Variants in GDNF observed in about 807,000 individuals in gnomAD.
GDNF encodes glial cell line-derived neurotrophic factor.
In GDNF, 5 loss-of-function variants were observed where a neutral mutation model predicts 13.7. That is an observed-to-expected ratio of 0.36 (90% CI 0.19 to 0.77). The LOEUF (loss-of-function observed/expected upper bound fraction) is 0.77. Ranked by LOEUF, GDNF falls within the 30% of genes least tolerant of loss-of-function variation. The probability of loss-of-function intolerance (pLI) is 0.51; values close to 1 mark genes in which losing one functional copy is unlikely to be tolerated. For synonymous variants in GDNF, 122 were observed against 112.5 expected (o/e 1.08, Z -0.53); for missense variants, 246 against 274.3 (o/e 0.90, Z 0.73).
chr5:37,825,137 A>G (rs929805118), intron 2 of GDNF, among the ~76,000 whole-genome samples: 6 of 152,220 alleles, frequency 3.9e-5, no homozygotes, highest in African/African-American at 1.4e-4. Flanking sequence ...TGCACATACT[A>G]GTTGTACTAT....
chr5:37,819,785 C>A (rs965144870), intron 2 of GDNF, among the ~76,000 whole-genome samples: 1 of 152,120 alleles, frequency 6.6e-6, no homozygotes, highest in African/African-American at 2.4e-5. Context: ...TTCCTTTGTA[C>A]TGCTTTCTCA....
At chr5:37,835,222 C>A (rs1246404032) in intron 1 of GDNF, among the ~76,000 whole-genome samples, 3 of 152,152 alleles carry the variant, frequency 2.0e-5, no homozygotes, top group East Asian at 1.9e-4. Context: ...GTCCTCCACC[C>A]CAACCAGAGA....
Position 37,815,280 on chromosome 5 carries a change from C to T in GDNF, c.*371G>A, listed in dbSNP as rs1268723805. The T allele has an allele frequency of 3.0e-6, 1 of 334,416 alleles. No homozygotes were observed. The highest frequency in any genetic ancestry group is 4.5e-5 in the Admixed American group (1 of 22,200). The allele number at this position is 334,416 out of a possible 1,614,324, so 20.7% of individuals were successfully genotyped here. ...TCACAGGAGATACACTGGTTTGGTT[C>T]AAGTGCATCCACCGCAACCGCGCCG... On this transcript the variant is annotated 3_prime_UTR_variant, in exon 3 of 3. Transcript: ENST00000326524. The surrounding 1 kb of genome is among the most constrained non-coding windows in gnomAD (Gnocchi z 5.0).
Position 37,814,432 on chromosome 5 carries a change from A to C in GDNF, c.*1219T>G, listed in dbSNP as rs1375874540. 6.6e-6 allele frequency: 1 copy of C among 152,226 alleles called. No homozygotes were observed. Among genetic ancestry groups the C allele is most frequent in the African/African-American group, 2.4e-5 (1 of 41,438 alleles). The allele number at this position is 152,226 out of a possible 1,614,324, so 9.4% of individuals were successfully genotyped here. A position where few individuals can be genotyped will look rare whatever the true frequency, so the allele number is the denominator to read the frequency against. On this transcript the variant is annotated 3_prime_UTR_variant, in exon 3 of 3. Coordinates refer to ENST00000326524, the MANE Select transcript of GDNF (RefSeq NM_000514.4). ...TTGCCTGAGATGCTCCACAAATAAA[A>C]ATTGGGAAAAATGCTGAAATCTGGG...
At chr5:37,818,548 T>C (rs1750011717) in intron 2 of GDNF, among the ~76,000 whole-genome samples, 1 of 152,164 alleles carries the variant, frequency 6.6e-6, no homozygotes, top group South Asian at 2.1e-4. Flanking sequence ...TATTTCTTCA[T>C]AGCAGTAAGA....
rs182549492 is a variant in GDNF at position 37,826,504 on chromosome 5, C to G, written c.151+8142G>C. ...TGGCATGGTGGGTTGTGGGCAGAAG[C>G]CACAGGCCCGTCTTGGGAGGCTGTG... is the stretch of plus-strand genomic sequence containing the variant. On this transcript the variant is annotated intron_variant, in intron 2 of 2. Coordinates refer to ENST00000326524, the MANE Select transcript of GDNF (RefSeq NM_000514.4). Among the ~76,000 whole-genome samples, 84 of 152,322 alleles carry G rather than the reference C, an allele frequency of 5.5e-4. 1 individual carries two copies. The East Asian group carries it at 0.012, about 22-fold the overall frequency.
intron 2 of GDNF, among the ~76,000 whole-genome samples, chr5:37,827,978 T>C (rs1415429816): frequency 6.6e-6 from 1 of 152,244 alleles, no homozygotes; most frequent in African/African-American, 2.4e-5. Flanking sequence ...GAAGGCCATA[T>C]TGTTTTAAAA....
At chr5:37,822,986 C>T (rs1561130076) in intron 2 of GDNF, among the ~76,000 whole-genome samples, 2 of 152,206 alleles carry the variant, frequency 1.3e-5, no homozygotes, top group African/African-American at 4.8e-5. Flanking sequence ...TCTTGCATTA[C>T]AAAATTTCAT....
At chr5:37,816,212 C>T in intron 2 of GDNF, 77 bp from the exon 3 acceptor site, 1 of 1,508,366 alleles carries the variant, frequency 6.6e-7, no homozygotes, top group Non-Finnish European at 9.1e-7. Context: ...CAAAGTGCCC[C>T]CCTAAAGTCA....
At position 37,814,594 on chromosome 5, in the gene GDNF, G is replaced by A. The variant is rs896672842; in HGVS notation, c.*1057C>T. On this transcript the variant is annotated 3_prime_UTR_variant, in exon 3 of 3. Transcript: ENST00000326524. ...TTTGTCACCTTTCTTTGCATTTTGC[G>A]AGCACATATACTTTGGCACCTTTGA... 4.6e-5 allele frequency: 7 copies of A among 152,192 alleles called. 1 individual carries two copies. The highest frequency in any genetic ancestry group is 1.4e-4 in the African/African-American group (6 of 41,512). The allele number at this position is 152,192 out of a possible 1,614,324, so 9.4% of individuals were successfully genotyped here. A position where few individuals can be genotyped will look rare whatever the true frequency, so the allele number is the denominator to read the frequency against.
intron 2 of GDNF, among the ~76,000 whole-genome samples, chr5:37,826,497 G>A (rs1345671979): frequency 6.6e-6 from 1 of 152,202 alleles, no homozygotes. Flanking sequence ...TGGGTTGTGG[G>A]CAGAAGCCAC....
chr5:37,835,786 C>G, intron 1 of GDNF: 4 of 793,308 alleles, frequency 5.0e-6, no homozygotes, highest in Non-Finnish European at 8.7e-6. Context: ...CCCCGCGCCC[C>G]CGTCACGCCT....
rs1749863299 is a variant in GDNF, at chr5:37,815,169, CTCTTACT to C, written c.*475_*481del. ...TCCACTGAGTGACAGAAAAATAAAC[CTCTTACT>C]TTCAGCAGTAAAACGTAATAACAAG... On this transcript the variant is annotated 3_prime_UTR_variant, in exon 3 of 3. Coordinates refer to ENST00000326524, the MANE Select transcript of GDNF (RefSeq NM_000514.4). The surrounding 1 kb of genome is among the most constrained non-coding windows in gnomAD (Gnocchi z 5.0). 5.8e-6 allele frequency: 1 copy of C among 171,206 alleles called. No individual in the cohort carries two copies. Among genetic ancestry groups the C allele is most frequent in the Non-Finnish European group, 1.3e-5 (1 of 79,440 alleles). The allele number at this position is 171,206 out of a possible 1,614,324, so 10.6% of individuals were successfully genotyped here. A position where few individuals can be genotyped will look rare whatever the true frequency, so the allele number is the denominator to read the frequency against.
chr5:37,817,982 C>G (rs1749991902), intron 2 of GDNF, among the ~76,000 whole-genome samples: 1 of 152,238 alleles, frequency 6.6e-6, no homozygotes, highest in African/African-American at 2.4e-5. Flanking sequence ...CCTACCTGAC[C>G]TGGCTGCCCC....
Position 37,834,687 on chromosome 5 carries a change from G to A in GDNF, c.110C>T (p.Ser37Phe), listed in dbSNP as rs1328971419. Reference sequence around the variant, plus strand: ...GAAGGGCGCGCGGCGGCGGCCGAGGGAGCGGTCTTCGGCGGGCGCCTCGGG... The same window carrying A: ...GAAGGGCGCGCGGCGGCGGCCGAGGAAGCGGTCTTCGGCGGGCGCCTCGGG... ...RPPEAPAEDR[S>F]LGRRRAPFAL... The change falls in exon 2 of 3, where the codon TCC becomes TTC. Residue 37 changes from serine to phenylalanine, a missense_variant. Ser to Phe is a radical substitution (Grantham distance 155). Coordinates refer to ENST00000326524, the MANE Select transcript of GDNF (RefSeq NM_000514.4). The A allele has an allele frequency of 6.2e-7, 1 of 1,608,666 alleles. No homozygotes were observed. The highest frequency in any genetic ancestry group is 8.5e-7 in the Non-Finnish European group (1 of 1,177,608).
chr5:37,820,053 T>G (rs1301502314), intron 2 of GDNF, among the ~76,000 whole-genome samples: 2 of 152,144 alleles, frequency 1.3e-5, no homozygotes, highest in African/African-American at 2.4e-5. Flanking sequence ...AGTCTTCAAA[T>G]TAAAAAACAG....
intron 2 of GDNF, among the ~76,000 whole-genome samples, chr5:37,817,604 AGTGTGTGTGT>A (rs34626556): frequency 7.6e-4 from 113 of 149,654 alleles, no homozygotes; most frequent in African/African-American, 2.6e-3. Flanking sequence ...GTGTGTGTAG[AGTGTGTGTGT>A]GTGTGTGTGT....
In GDNF at chr5:37,826,695, A is replaced by G. The variant is rs538478681; in HGVS notation, c.151+7951T>C. ...CACAGGAAGACTTTCTGCAGTGCCT[A>G]TGGGTGGTTGAAAGGGAATCCATGT... On this transcript the variant is annotated intron_variant, in intron 2 of 2. Transcript: ENST00000326524. Among the ~76,000 whole-genome samples, 8 of 152,332 alleles carry G rather than the reference A, an allele frequency of 5.3e-5. No homozygotes were observed. The East Asian group carries it at 1.3e-3, about 26-fold the overall frequency.
intron 2 of GDNF, among the ~76,000 whole-genome samples, chr5:37,824,707 A>G (rs1349475239): frequency 1.3e-5 from 2 of 152,194 alleles, no homozygotes; most frequent in Non-Finnish European, 2.9e-5. Flanking sequence ...GTGCTTTCCT[A>G]TTTTGGACAC....
Sources: allele counts gnomAD v4.1 joint callset (sites outside exome capture counted in the v4.1 genomes callset), GRCh38; gene constraint gnomAD v4.1.1; non-coding constraint Gnocchi (gnomAD v3.1); transcripts MANE v1.5; gene names NCBI Gene and HGNC (gene_info 2026-07-23, HGNC 2026-07-21).